The following PIBF1 variants were observed in gnomAD, a reference collection of about 807,000 sequenced individuals.
PIBF1 encodes the protein progesterone immunomodulatory binding factor 1.
Under a neutral mutation model 112.5 loss-of-function variants are expected in PIBF1, and 90 were observed. The observed-to-expected ratio is 0.80, with a 90% CI of 0.67 to 0.95. The LOEUF is 0.95. PIBF1 is among the 40% of genes least tolerant of loss of function. PIBF1 has a pLI of 0.00. For missense variants in PIBF1, 915 were observed against 852.3 expected, an observed-to-expected ratio of 1.07 and a Z score of -0.92; for synonymous variants, 301 against 288.6, an observed-to-expected ratio of 1.04 and a Z score of -0.44.
intron 5 of PIBF1, among the ~76,000 whole-genome samples, chr13:72,814,538 A>T (rs1347763272): frequency 6.6e-6 from 1 of 151,374 alleles, no homozygotes. Context: ...TCTATTTTTT[A>T]TCATAATTTA....
chr13:72,996,262 A>G (rs1386367483), intron 16 of PIBF1, among the ~76,000 whole-genome samples: 1 of 141,306 alleles, frequency 7.1e-6, no homozygotes, highest in East Asian at 1.9e-4. Flanking sequence ...AAAACCTTCA[A>G]TATATTAAAA....
At chr13:72,853,261 C>G (rs1337378988) in intron 9 of PIBF1, among the ~76,000 whole-genome samples, 2 of 152,158 alleles carry the variant, frequency 1.3e-5, no homozygotes, top group African/African-American at 2.4e-5. Context: ...AATTTCAGTT[C>G]CTTCCTACTG....
At chr13:72,904,387 C>G (rs2040605961) in intron 11 of PIBF1, among the ~76,000 whole-genome samples, 1 of 140,024 alleles carries the variant, frequency 7.1e-6, no homozygotes, top group Non-Finnish European at 1.5e-5. Flanking sequence ...TTTGGAAATA[C>G]ATGTGTTGCA....
intron 5 of PIBF1, among the ~76,000 whole-genome samples, chr13:72,806,983 C>T (rs1362077742): frequency 6.0e-5 from 9 of 149,598 alleles, no homozygotes; most frequent in African/African-American, 2.2e-4. Context: ...AACTAATTTA[C>T]GCTTTTTTTT....
Position 72,783,838 on chromosome 13 carries a change from C to T in PIBF1, c.252+117C>T, listed in dbSNP as rs147369845. ...GAAATGATACATTTATATTTCTTGA[C>T]AAGTACAGCCTTTAAATAATTTTGG... On this transcript the variant is annotated intron_variant, in intron 2 of 17. Transcript: ENST00000326291. 5.6e-3 allele frequency: 5,550 copies of T among 984,316 alleles called. 35 individuals carry two copies. The highest frequency in any genetic ancestry group is 7.3e-3 in the Non-Finnish European group (4,820 of 659,288). 61.0% of individuals were successfully genotyped at this position (984,316 alleles called of 1,614,324 possible). A position where few individuals can be genotyped will look rare whatever the true frequency, so the allele number is the denominator to read the frequency against.
chr13:72,990,976 G>A (rs578011043), intron 16 of PIBF1, among the ~76,000 whole-genome samples: 9 of 152,290 alleles, frequency 5.9e-5, no homozygotes, highest in South Asian at 4.1e-4. Context: ...GTCACGATGC[G>A]TTGTTACTCC....
At chr13:72,851,982 A>C (rs1383225734) in intron 9 of PIBF1, among the ~76,000 whole-genome samples, 4 of 152,148 alleles carry the variant, frequency 2.6e-5, no homozygotes, top group Admixed American at 2.6e-4. Flanking sequence ...GTTAGGAGCT[A>C]CCCATTCCAG....
chr13:73,014,294 T>C (rs902308659), intron 17 of PIBF1, among the ~76,000 whole-genome samples: 5 of 152,112 alleles, frequency 3.3e-5, no homozygotes, highest in Non-Finnish European at 7.3e-5. Flanking sequence ...TTTCATTAGA[T>C]AGAAGCAGAG....
intron 6 of PIBF1, among the ~76,000 whole-genome samples, chr13:72,826,552 A>G (rs1036306741): frequency 1.3e-5 from 2 of 152,230 alleles, no homozygotes; most frequent in African/African-American, 4.8e-5. Context: ...CTGGGTAATC[A>G]TAAACAATTT....
chr13:72,851,208 C>T (rs79591990), intron 9 of PIBF1, among the ~76,000 whole-genome samples: 17,107 of 152,162 alleles, frequency 0.11, 1,277 homozygotes, highest in Non-Finnish European at 0.16. Flanking sequence ...GGGGCGGGAG[C>T]CCTCCCAGGC....
intron 9 of PIBF1, among the ~76,000 whole-genome samples, chr13:72,845,860 A>G (rs1361698299): frequency 2.6e-5 from 4 of 152,110 alleles, no homozygotes; most frequent in South Asian, 4.1e-4. Context: ...TACTACTCCA[A>G]CAAAGATGTT....
At chr13:72,923,660 A>G (rs919986880) in intron 13 of PIBF1, among the ~76,000 whole-genome samples, 1 of 152,174 alleles carries the variant, frequency 6.6e-6, no homozygotes, top group African/African-American at 2.4e-5. Context: ...GTTTATAGTT[A>G]TTCTTCTTGA....
chr13:72,827,166 G>T, intron 7 of PIBF1, 48 bp downstream of exon 7: 1 of 806,046 alleles, frequency 1.2e-6, no homozygotes, highest in Non-Finnish European at 1.8e-6. Context: ...TAGTATTAGT[G>T]AAAAAAATAG....
chr13:73,004,679 A>G (rs1461724854), intron 17 of PIBF1, among the ~76,000 whole-genome samples: 1 of 152,184 alleles, frequency 6.6e-6, no homozygotes, highest in Non-Finnish European at 1.5e-5. Context: ...TTCCCATAGT[A>G]CAAAAGGGAA....
At chr13:72,828,440 C>T (rs951554635) in intron 8 of PIBF1, among the ~76,000 whole-genome samples, 2 of 152,024 alleles carry the variant, frequency 1.3e-5, no homozygotes, top group African/African-American at 2.4e-5. Flanking sequence ...CCCCACTCCC[C>T]GACAGGCGCC....
intron 9 of PIBF1, 128 bp downstream of exon 9, chr13:72,835,496 T>C (rs2038847): frequency 1 from 642,184 of 644,338 alleles, 320,032 homozygotes; most frequent in East Asian, 1. Context: ...TGTCATAAAT[T>C]GAAATCTAAG....
intron 5 of PIBF1, among the ~76,000 whole-genome samples, chr13:72,814,075 T>A (rs75972064): frequency 3.4e-4 from 52 of 152,116 alleles, no homozygotes; most frequent in Admixed American, 3.4e-3. Context: ...GAAAGACTCT[T>A]ATTATGACCT....
intron 12 of PIBF1, 132 bp downstream of exon 12, chr13:72,908,813 C>A: frequency 1.5e-6 from 1 of 662,254 alleles, no homozygotes; most frequent in Non-Finnish European, 2.4e-6. Flanking sequence ...CTTTGGGCGG[C>A]CAAGGTGGGC....
intron 12 of PIBF1, among the ~76,000 whole-genome samples, chr13:72,911,349 A>C (rs1314229160): frequency 6.6e-6 from 1 of 152,200 alleles, no homozygotes; most frequent in Non-Finnish European, 1.5e-5. Context: ...CTTAAATAAT[A>C]ATTTCATTTT....
Sources: allele counts gnomAD v4.1 joint callset (sites outside exome capture counted in the v4.1 genomes callset), GRCh38; gene constraint gnomAD v4.1.1; transcripts MANE v1.5; gene names NCBI Gene and HGNC (gene_info 2026-07-23, HGNC 2026-07-21).